Variants in PLEKHH2 observed in about 807,000 individuals in gnomAD.
The protein encoded by PLEKHH2 is pleckstrin homology domain-containing family H member 2.
A neutral mutation model predicts 187.9 loss-of-function variants in PLEKHH2; 129 were observed. The ratio of observed to expected loss-of-function variants is 0.69; its 90% CI spans 0.59 to 0.79. The LOEUF is 0.79. Ranked by LOEUF, PLEKHH2 falls within the 30% of genes least tolerant of loss-of-function variation. The pLI, the probability that PLEKHH2 is intolerant of heterozygous loss-of-function variation, is 0.00. For synonymous variants in PLEKHH2, 686 were observed against 605.6 expected (o/e 1.13, Z -1.95); for missense variants, 2,076 against 1,751.2 (o/e 1.19, Z -3.31).
At chr2:43,708,585 A>G (rs1282974957) in intron 11 of PLEKHH2, among the ~76,000 whole-genome samples, 1 of 152,118 alleles carries the variant, frequency 6.6e-6, no homozygotes, top group Non-Finnish European at 1.5e-5. Flanking sequence ...AGTCTGCTCT[A>G]TGTTTTATTG....
At chr2:43,696,878 T>A (rs1355246290) in intron 6 of PLEKHH2, among the ~76,000 whole-genome samples, 1 of 152,208 alleles carries the variant, frequency 6.6e-6, no homozygotes, top group East Asian at 1.9e-4. Flanking sequence ...TTATTTATAA[T>A]CTGTTTGTGT....
intron 3 of PLEKHH2, among the ~76,000 whole-genome samples, chr2:43,690,851 C>T (rs1462377636): frequency 6.6e-6 from 1 of 152,144 alleles, no homozygotes; most frequent in Non-Finnish European, 1.5e-5. Context: ...AGACCATCTA[C>T]AATCAAGGAT....
chr2:43,710,205 T>C lies in PLEKHH2; in HGVS notation c.2104-15T>C. The C allele has an allele frequency of 6.2e-7, 1 of 1,612,424 alleles. No individual in the cohort carries two copies. The highest frequency in any genetic ancestry group is 8.5e-7 in the Non-Finnish European group (1 of 1,178,910). ...AGGAAACTGAAAATGCTTTTGTCTA[T>C]CTTTTAAAAATTAGGAACCACTGGA... On this transcript the variant is annotated splice_polypyrimidine_tract_variant and intron_variant, in intron 12 of 29. Coordinates refer to ENST00000282406, the MANE Select transcript of PLEKHH2 (RefSeq NM_172069.4).
chr2:43,756,437 T>G (rs2104620482), intron 25 of PLEKHH2, among the ~76,000 whole-genome samples: 1 of 152,136 alleles, frequency 6.6e-6, no homozygotes, highest in East Asian at 1.9e-4. Context: ...GGATTACAGG[T>G]GCCTGCCACC....
intron 16 of PLEKHH2, among the ~76,000 whole-genome samples, chr2:43,723,692 G>A (rs903282666): frequency 6.6e-6 from 1 of 152,168 alleles, no homozygotes; most frequent in African/African-American, 2.4e-5. Flanking sequence ...AATGCCTTTA[G>A]TTCAAAATAA....
chr2:43,754,165 TACACACACACAC>T (rs373399236), intron 25 of PLEKHH2, among the ~76,000 whole-genome samples: 16 of 118,014 alleles, frequency 1.4e-4, no homozygotes, highest in South Asian at 5.6e-4. Flanking sequence ...TTCAATCTTC[TACACACACACAC>T]ACACACACAC....
Position 43,709,741 on chromosome 2 carries a change from C to T in PLEKHH2, c.1967-249C>T, listed in dbSNP as rs574377607. On this transcript the variant is annotated intron_variant, in intron 11 of 29. Coordinates refer to ENST00000282406, the MANE Select transcript of PLEKHH2 (RefSeq NM_172069.4). ...GCCCCAGCTACTCGGGAGGCTGAGG[C>T]GGGAGAATCGCTTGAACCCAGGAGG... Among the ~76,000 whole-genome samples the T allele has an allele frequency of 4.6e-5, 7 of 152,234 alleles. 1 individual carries two copies. The highest frequency in any genetic ancestry group is 2.1e-4 in the South Asian group (1 of 4,822).
At chr2:43,645,928 A>G (rs1301281095) in intron 2 of PLEKHH2, among the ~76,000 whole-genome samples, 2 of 152,172 alleles carry the variant, frequency 1.3e-5, no homozygotes, top group East Asian at 1.9e-4. Flanking sequence ...CAAAAAAGGT[A>G]TTAAATCTTC....
intron 17 of PLEKHH2, among the ~76,000 whole-genome samples, chr2:43,728,562 C>CTT (rs112664271): frequency 2.2e-5 from 3 of 135,752 alleles, no homozygotes; most frequent in Admixed American, 7.5e-5. Flanking sequence ...ACACAATACT[C>CTT]TTTTTTTTTT....
At chr2:43,702,939 C>G (rs1669456546) in intron 8 of PLEKHH2, among the ~76,000 whole-genome samples, 1 of 152,156 alleles carries the variant, frequency 6.6e-6, no homozygotes, top group Non-Finnish European at 1.5e-5. Context: ...CTACTAACCA[C>G]TTTCCCCCAG....
At chr2:43,673,219 T>C (rs1345965437) in intron 2 of PLEKHH2, among the ~76,000 whole-genome samples, 1 of 152,170 alleles carries the variant, frequency 6.6e-6, no homozygotes, top group Non-Finnish European at 1.5e-5. Context: ...CCTCCTATGT[T>C]ATATTGAGAC....
rs182293946 is a variant in PLEKHH2, at chr2:43,719,624, G to C, written c.2461-1045G>C. On this transcript the variant is annotated intron_variant, in intron 15 of 29. Transcript: ENST00000282406. ...CTGGCTAATTTTTGTATTTTTAGTAGAGACAAGGTTTCCCCATATTGGTCA... is the reference window on the plus strand; with the variant it reads ...CTGGCTAATTTTTGTATTTTTAGTACAGACAAGGTTTCCCCATATTGGTCA... 1.1e-3 allele frequency among the ~76,000 whole-genome samples: 170 copies of C among 152,270 alleles called. No individual in the cohort carries two copies. The Middle Eastern group carries it at 0.014, about 12-fold the overall frequency.
At chr2:43,759,429 A>G (rs1460744062) in intron 27 of PLEKHH2, among the ~76,000 whole-genome samples, 1 of 152,220 alleles carries the variant, frequency 6.6e-6, no homozygotes, top group Non-Finnish European at 1.5e-5. Flanking sequence ...ATTGTACATG[A>G]ACTTCCAGGA....
chr2:43,748,971 G>T (rs1468664216), intron 24 of PLEKHH2, among the ~76,000 whole-genome samples: 1 of 152,100 alleles, frequency 6.6e-6, no homozygotes, highest in African/African-American at 2.4e-5. Flanking sequence ...TGGCCAGGCT[G>T]GTATCAAACT....
At chr2:43,680,477 T>G (rs1668113429) in intron 3 of PLEKHH2, 1 of 159,056 alleles carries the variant, frequency 6.3e-6, no homozygotes, top group Non-Finnish European at 1.4e-5. Flanking sequence ...GAAGTGCATA[T>G]GAAATTCCTT....
At chr2:43,759,137 T>A in intron 27 of PLEKHH2, 108 bp downstream of exon 27, 1 of 1,401,438 alleles carries the variant, frequency 7.1e-7, no homozygotes, top group Non-Finnish European at 9.5e-7. Context: ...TGAAGAAATA[T>A]CCAATAATGT....
chr2:43,681,469 T>C, intron 3 of PLEKHH2: 2 of 1,545,702 alleles, frequency 1.3e-6, no homozygotes, highest in Non-Finnish European at 1.7e-6. Flanking sequence ...TCCTCTCCTT[T>C]TCCATCATCT....
Position 43,738,948 on chromosome 2 carries a change from A to T in PLEKHH2, c.3123+428A>T, listed in dbSNP as rs150707004. Among the ~76,000 whole-genome samples, 846 of 152,248 alleles carry T rather than the reference A, an allele frequency of 5.6e-3. 15 individuals are homozygous for T. The highest frequency in any genetic ancestry group is 0.019 in the African/African-American group (798 of 41,556). ...CTCTTGTTGCCCAGGCTGGAGTGCA[A>T]TGGCACAATGTCGGCTCACTGGAAC... On this transcript the variant is annotated intron_variant, in intron 20 of 29. Coordinates refer to ENST00000282406, the MANE Select transcript of PLEKHH2 (RefSeq NM_172069.4).
chr2:43,742,677 G>T (rs1671619523), intron 21 of PLEKHH2, 64 bp from the exon 22 acceptor site: 1 of 1,241,104 alleles, frequency 8.1e-7, no homozygotes, highest in Non-Finnish European at 1.1e-6. Context: ...TTTCTTAATG[G>T]TTGCACATAT....
Sources: allele counts gnomAD v4.1 joint callset (sites outside exome capture counted in the v4.1 genomes callset), GRCh38; gene constraint gnomAD v4.1.1; transcripts MANE v1.5; gene names NCBI Gene and HGNC (gene_info 2026-07-23, HGNC 2026-07-21).